The following ARID4A variants were observed in gnomAD, a reference collection of about 807,000 sequenced individuals.
ARID4A encodes AT-rich interactive domain-containing protein 4A.
Under a neutral mutation model 148.6 loss-of-function variants are expected in ARID4A, and 39 were observed. That is an observed-to-expected ratio of 0.26 (90% CI 0.20 to 0.34). ARID4A has a LOEUF of 0.34. Ranked by LOEUF, ARID4A falls within the 10% of genes least tolerant of loss-of-function variation. The pLI, the probability that ARID4A is intolerant of heterozygous loss-of-function variation, is 1.00. For synonymous variants in ARID4A, 475 were observed against 481.2 expected (o/e 0.99, Z 0.17); for missense variants, 1,265 against 1,449.1 (o/e 0.87, Z 2.06).
At chr14:58,339,686 G>A (rs1464222974) in intron 11 of ARID4A, among the ~76,000 whole-genome samples, 4 of 152,058 alleles carry the variant, frequency 2.6e-5, no homozygotes, top group Non-Finnish European at 5.9e-5. Flanking sequence ...TTCTCACGTT[G>A]TCATAAAGAA....
intron 17 of ARID4A, among the ~76,000 whole-genome samples, chr14:58,354,683 A>G (rs987361256): frequency 7.5e-6 from 1 of 132,638 alleles, no homozygotes; most frequent in Non-Finnish European, 1.7e-5. Context: ...ACCCTGTCTC[A>G]TAAATAAAAA....
intron 23 of ARID4A, 87 bp from the exon 24 acceptor site, chr14:58,371,799 G>A: frequency 9.9e-7 from 1 of 1,006,476 alleles, no homozygotes; most frequent in Non-Finnish European, 1.5e-6. Flanking sequence ...GGTGAATAAT[G>A]TTAAGAATTT....
At chr14:58,311,874 A>G (rs77307948) in intron 5 of ARID4A, among the ~76,000 whole-genome samples, 2,588 of 150,960 alleles carry the variant, frequency 0.017, 86 homozygotes, top group African/African-American at 0.059. Context: ...TTAAAAAGTC[A>G]AACTCTTATT....
chr14:58,372,661 G>A lies in ARID4A; in HGVS notation c.*672G>A, dbSNP rs2140285372. On this transcript the variant is annotated 3_prime_UTR_variant, in exon 24 of 24. Transcript: ENST00000355431. ...TTTAATGTTTATTAATGTTTACAGT[G>A]GAATTGTGAATAAGTTTTCAGTGGA... 1 of 189,818 alleles carries A rather than the reference G, an allele frequency of 5.3e-6. No homozygotes were observed. The highest frequency in any genetic ancestry group is 1.9e-4 in the South Asian group (1 of 5,140). 11.8% of individuals were successfully genotyped at this position (189,818 alleles called of 1,614,324 possible).
At chr14:58,350,293 T>A (rs1156944755) in intron 15 of ARID4A, among the ~76,000 whole-genome samples, 1 of 152,140 alleles carries the variant, frequency 6.6e-6, no homozygotes, top group Non-Finnish European at 1.5e-5. Flanking sequence ...AACATTTGTT[T>A]ACTGAGATAT....
intron 9 of ARID4A, among the ~76,000 whole-genome samples, chr14:58,328,950 G>A (rs926870144): frequency 1.7e-4 from 26 of 150,592 alleles, no homozygotes; most frequent in Non-Finnish European, 2.2e-4. Flanking sequence ...CCGAGATCGC[G>A]CCACTGCACT....
At chr14:58,338,532 T>A (rs1183796714) in intron 11 of ARID4A, among the ~76,000 whole-genome samples, 2 of 152,026 alleles carry the variant, frequency 1.3e-5, no homozygotes, top group African/African-American at 2.4e-5. Flanking sequence ...TTCTTCCTGC[T>A]GCCTTCAAAC....
intron 11 of ARID4A, among the ~76,000 whole-genome samples, chr14:58,338,429 C>T: frequency 6.6e-6 from 1 of 152,216 alleles, no homozygotes; most frequent in East Asian, 1.9e-4. Flanking sequence ...TTCTGATGTA[C>T]TCCTTGCAGT....
At chr14:58,358,589 A>G (rs1360316254) in intron 17 of ARID4A, among the ~76,000 whole-genome samples, 2 of 152,228 alleles carry the variant, frequency 1.3e-5, no homozygotes, top group Non-Finnish European at 1.5e-5. Context: ...TGAAATACAG[A>G]TATCTCTAAA....
chr14:58,349,400 A>G (rs1292195360), intron 15 of ARID4A, among the ~76,000 whole-genome samples: 1 of 151,920 alleles, frequency 6.6e-6, no homozygotes, highest in Non-Finnish European at 1.5e-5. Context: ...TAATCCCAGC[A>G]CTTTGGGAGG....
intron 12 of ARID4A, 59 bp from the exon 13 acceptor site, chr14:58,346,352 T>C (rs1594935772): frequency 7.9e-7 from 1 of 1,271,860 alleles, no homozygotes; most frequent in African/African-American, 1.5e-5. Context: ...CGCTTTGTTT[T>C]CAAATTAGTA....
At chr14:58,333,647 G>A (rs1265051404) in intron 11 of ARID4A, among the ~76,000 whole-genome samples, 1 of 151,954 alleles carries the variant, frequency 6.6e-6, no homozygotes, top group East Asian at 1.9e-4. Flanking sequence ...TTATATTCCA[G>A]TATTGTAAAA....
At chr14:58,347,600 A>T in intron 14 of ARID4A, 47 bp from the exon 15 acceptor site, 1 of 1,369,604 alleles carries the variant, frequency 7.3e-7, no homozygotes, top group Non-Finnish European at 9.9e-7. Context: ...AATTCAAGTT[A>T]GATGCAAAGA....
At position 58,329,883 on chromosome 14, in the gene ARID4A, A is replaced by C. The variant is rs1002186451; in HGVS notation, c.740-120A>C. ...TATGAAATATGTTAAAGCTTACTGTATCATTTTATAAATGACAGCCGAATT... is the reference window on the plus strand; with the variant it reads ...TATGAAATATGTTAAAGCTTACTGTCTCATTTTATAAATGACAGCCGAATT... On this transcript the variant is annotated intron_variant, in intron 10 of 23. Transcript: ENST00000355431. The C allele has an allele frequency of 5.5e-6, 8 of 1,448,074 alleles. No homozygotes were observed. In the African/African-American group the frequency reaches 8.6e-5, roughly 15 times the overall value. The allele number at this position is 1,448,074 out of a possible 1,614,324, so 89.7% of individuals were successfully genotyped here.
intron 2 of ARID4A, among the ~76,000 whole-genome samples, chr14:58,301,227 G>A (rs932494311): frequency 6.6e-6 from 1 of 152,024 alleles, no homozygotes; most frequent in Non-Finnish European, 1.5e-5. Flanking sequence ...AGCTATAAAT[G>A]AATAACTTAG....
intron 15 of ARID4A, among the ~76,000 whole-genome samples, chr14:58,348,435 C>T (rs1411436350): frequency 6.6e-6 from 1 of 152,154 alleles, no homozygotes; most frequent in Non-Finnish European, 1.5e-5. Flanking sequence ...CTTTATAGTG[C>T]CTGTGCCCTA....
In ARID4A at chr14:58,370,545, C is replaced by T. The variant is rs558943849; in HGVS notation, c.3671-1341C>T. Reference sequence around the variant, plus strand: ...CTCCTGATCCCAAGTAATCTGCCCACCTCGTCCTCCCAAAGTGCTGGAATT... The same window carrying T: ...CTCCTGATCCCAAGTAATCTGCCCATCTCGTCCTCCCAAAGTGCTGGAATT... On this transcript the variant is annotated intron_variant, in intron 23 of 23. Transcript: ENST00000355431. Among the ~76,000 whole-genome samples the T allele has an allele frequency of 4.6e-5, 7 of 152,276 alleles. No individual in the cohort carries two copies. In the South Asian group the frequency reaches 1.5e-3, roughly 32 times the overall value.
At chr14:58,342,012 G>A (rs1397391295) in intron 11 of ARID4A, among the ~76,000 whole-genome samples, 2 of 152,156 alleles carry the variant, frequency 1.3e-5, no homozygotes, top group Non-Finnish European at 2.9e-5. Flanking sequence ...CTATGAAAAT[G>A]CCATGGACAG....
At chr14:58,313,966 G>A (rs371411401) in intron 5 of ARID4A, among the ~76,000 whole-genome samples, 165 of 152,272 alleles carry the variant, frequency 1.1e-3, no homozygotes, top group African/African-American at 3.7e-3. Flanking sequence ...AGTTTCCTCT[G>A]GCACACCCAG....
Sources: allele counts gnomAD v4.1 joint callset (sites outside exome capture counted in the v4.1 genomes callset), GRCh38; gene constraint gnomAD v4.1.1; transcripts MANE v1.5; gene names NCBI Gene and HGNC (gene_info 2026-07-23, HGNC 2026-07-21).